The following ZNF540 variants were observed in gnomAD, a reference collection of about 807,000 sequenced individuals.
ZNF540 encodes the protein CTD-3064H18.6.
ZNF540 carries 3 observed loss-of-function variants against 11.8 expected under a neutral mutation model. The observed-to-expected ratio is 0.25, with a 90% CI of 0.12 to 0.65. ZNF540 has a LOEUF of 0.65. Ranked by LOEUF, ZNF540 falls within the 30% of genes least tolerant of loss-of-function variation. The probability of loss-of-function intolerance (pLI) is 0.83; values close to 1 mark genes in which losing one functional copy is unlikely to be tolerated. For synonymous variants in ZNF540, 247 were observed against 259.0 expected, an observed-to-expected ratio of 0.95 and a Z score of 0.45; for missense variants, 709 against 793.1, an observed-to-expected ratio of 0.89 and a Z score of 1.27.
chr19:37,589,388 AAC>A (rs1014506914), intron 1 of ZNF540, among the ~76,000 whole-genome samples: 1 of 152,060 alleles, frequency 6.6e-6, no homozygotes, highest in Non-Finnish European at 1.5e-5. Context: ...TTAAATAAAA[AAC>A]AGAGTCCTAA....
chr19:37,611,817 G>A lies in ZNF540; in HGVS notation c.537G>A (p.Gly179=), dbSNP rs369583205. 2 of 1,613,994 alleles carry A rather than the reference G, an allele frequency of 1.2e-6. No individual in the cohort carries two copies. Among genetic ancestry groups the A allele is most frequent in the Non-Finnish European group, 1.7e-6 (2 of 1,179,952 alleles). The part of the protein sequence containing the change: ...KSCDSHLVQH[G]KIDSDVKHDC... ...GTGACTCACACTTGGTTCAACATGG[G>A]AAAATAGATTCTGATGTGAAACATG... Residue 179 remains glycine (G), a synonymous_variant, in exon 5 of 5, where the codon GGG becomes GGA. Transcript: ENST00000316433.
At chr19:37,555,904 T>C in intron 1 of ZNF540, 1 of 700,878 alleles carries the variant, frequency 1.4e-6, no homozygotes, top group Admixed American at 2.0e-5. Flanking sequence ...AATGAAGATC[T>C]GGTTGATCCC....
chr19:37,609,092 TGA>T (rs2044107249), intron 4 of ZNF540, among the ~76,000 whole-genome samples: 1 of 152,232 alleles, frequency 6.6e-6, no homozygotes, highest in African/African-American at 2.4e-5. Context: ...CTAAAATTGT[TGA>T]GTTTCTTTGT....
intron 1 of ZNF540, among the ~76,000 whole-genome samples, chr19:37,584,824 C>T (rs1466861982): frequency 6.6e-6 from 1 of 151,862 alleles, no homozygotes; most frequent in Non-Finnish European, 1.5e-5. Flanking sequence ...ATTAGCCGGG[C>T]GTGATGGTGG....
intron 1 of ZNF540, chr19:37,556,298 A>G (rs2042659140): frequency 1.7e-6 from 1 of 595,692 alleles, no homozygotes; most frequent in East Asian, 2.8e-5. Flanking sequence ...AGGACATAAC[A>G]GGCAAAAACA....
At chr19:37,582,191 C>G (rs1428519244) in intron 1 of ZNF540, among the ~76,000 whole-genome samples, 1 of 152,120 alleles carries the variant, frequency 6.6e-6, no homozygotes, top group Non-Finnish European at 1.5e-5. Flanking sequence ...ACTTCTTTCT[C>G]ACTCTCTTTT....
chr19:37,582,105 A>G (rs2043490316), intron 1 of ZNF540, among the ~76,000 whole-genome samples: 2 of 152,102 alleles, frequency 1.3e-5, no homozygotes. Flanking sequence ...TGTAACTTTG[A>G]GGGTTCCTCA....
intron 1 of ZNF540, chr19:37,586,798 T>TA: frequency 9.6e-7 from 1 of 1,037,942 alleles, no homozygotes; most frequent in Non-Finnish European, 1.5e-6. Context: ...GCCCACAAAA[T>TA]AAACTACTTA....
chr19:37,601,050 G>A lies in ZNF540; in HGVS notation c.177G>A (p.Glu59=), dbSNP rs1450721320. 1.9e-6 allele frequency: 3 copies of A among 1,592,536 alleles called. No individual in the cohort carries two copies. Among genetic ancestry groups the A allele is most frequent in the East Asian group, 2.3e-5 (1 of 43,594 alleles). ...GSKPDVITLL[E]QGKEPCVVAR... ...AGCCAGATGTGATTACCTTACTGGAGCAAGGGAAAGAGCCCTGCGTGGTGG... is the reference window on the plus strand; with the variant it reads ...AGCCAGATGTGATTACCTTACTGGAACAAGGGAAAGAGCCCTGCGTGGTGG... Residue 59 remains glutamate, a synonymous_variant, in exon 4 of 5, where the codon GAG becomes GAA. Transcript: ENST00000316433.
At chr19:37,610,509 A>G (rs563902250) in intron 4 of ZNF540, among the ~76,000 whole-genome samples, 1 of 152,338 alleles carries the variant, frequency 6.6e-6, no homozygotes, top group Admixed American at 6.5e-5. Flanking sequence ...TCGGTAGGGC[A>G]AGCCTTTCTG....
At position 37,612,881 on chromosome 19, in the gene ZNF540, G is replaced by A. The variant is rs770070462; in HGVS notation, c.1601G>A (p.Arg534His). 29 of 1,613,694 alleles carry A rather than the reference G, an allele frequency of 1.8e-5. No individual in the cohort carries two copies. Among genetic ancestry groups the A allele is most frequent in the South Asian group, 1.4e-4 (13 of 91,058 alleles). Residue 534 changes from arginine (R) to histidine (H), a missense_variant, in exon 5 of 5, where the codon CGT (arginine) becomes CAT (histidine). Physicochemically the swap from Arg to His is conservative, Grantham distance 29. Coordinates refer to ENST00000316433, the MANE Select transcript of ZNF540 (RefSeq NM_001172225.3). ...KCKECGKAFI[R>H]RGNLKEHLKI... Reference sequence around the variant, plus strand: ...AAAGAATGTGGAAAGGCCTTTATTCGTAGAGGGAATCTTAAAGAACATCTG... The same window carrying A: ...AAAGAATGTGGAAAGGCCTTTATTCATAGAGGGAATCTTAAAGAACATCTG...
intron 1 of ZNF540, among the ~76,000 whole-genome samples, chr19:37,581,317 T>C (rs1365253191): frequency 6.6e-6 from 1 of 152,158 alleles, no homozygotes; most frequent in Non-Finnish European, 1.5e-5. Context: ...TAATACATAA[T>C]GTCAAAGGAT....
chr19:37,561,923 C>A (rs2042721477), intron 1 of ZNF540, among the ~76,000 whole-genome samples: 1 of 152,206 alleles, frequency 6.6e-6, no homozygotes, highest in Admixed American at 6.5e-5. Flanking sequence ...GTTGTGGCAT[C>A]ATGGTGGTTA....
chr19:37,584,041 G>C, intron 1 of ZNF540: 2 of 1,614,070 alleles, frequency 1.2e-6, no homozygotes, highest in Non-Finnish European at 1.7e-6. Context: ...CAGGGTCCAG[G>C]CATTCCCATT....
intron 1 of ZNF540, among the ~76,000 whole-genome samples, chr19:37,580,573 G>A (rs922938985): frequency 3.3e-5 from 5 of 152,198 alleles, no homozygotes; most frequent in Non-Finnish European, 5.9e-5. Context: ...CCAGTATGGC[G>A]TCTTGGGGGA....
intron 1 of ZNF540, chr19:37,565,165 A>C: frequency 6.2e-7 from 1 of 1,613,526 alleles, no homozygotes; most frequent in Non-Finnish European, 8.5e-7. Flanking sequence ...CACATTCCTT[A>C]CATTTGTAGG....
intron 1 of ZNF540, among the ~76,000 whole-genome samples, chr19:37,554,030 A>G (rs2042635180): frequency 6.6e-6 from 1 of 152,194 alleles, no homozygotes; most frequent in African/African-American, 2.4e-5. Context: ...GGGAGTACAC[A>G]TGCAGGTTTG....
chr19:37,564,798 G>C, intron 1 of ZNF540: 15 of 1,613,882 alleles, frequency 9.3e-6, no homozygotes, highest in African/African-American at 1.3e-5. Flanking sequence ...TCAGTAAGGT[G>C]TGAGCCACGA....
intron 1 of ZNF540, chr19:37,564,680 T>C: frequency 6.2e-7 from 1 of 1,613,482 alleles, no homozygotes; most frequent in Non-Finnish European, 8.5e-7. Context: ...ATAGGGTTTC[T>C]CACCAGTATG....
Sources: gnomAD v4.1 joint callset for allele counts (sites outside exome capture counted in the v4.1 genomes callset) on GRCh38, gnomAD v4.1.1 for gene constraint, MANE v1.5 for transcripts, NCBI Gene and HGNC (gene_info 2026-07-23, HGNC 2026-07-21) for gene names.